GNPAT: variants seen among roughly 807,000 people sequenced by gnomAD.
GNPAT encodes the protein glyceronephosphate O-acyltransferase, also known as dihydroxyacetone phosphate acyltransferase.
Under a neutral mutation model 78.4 loss-of-function variants are expected in GNPAT, and 30 were observed. The observed-to-expected ratio is 0.38, with a 90% CI of 0.29 to 0.52. The LOEUF is 0.52. Ranked by LOEUF, GNPAT falls within the 20% of genes least tolerant of loss-of-function variation. GNPAT has a pLI of 0.84. For synonymous variants in GNPAT, 271 were observed against 281.1 expected (o/e 0.96, Z 0.36); for missense variants, 714 against 812.2 (o/e 0.88, Z 1.47).
At position 231,262,944 on chromosome 1, in the gene GNPAT, A is replaced by G. The variant is rs1044498342; in HGVS notation, c.568+92A>G. 3 of 942,550 alleles carry G rather than the reference A, an allele frequency of 3.2e-6. No individual in the cohort carries two copies. The African/African-American group carries it at 4.8e-5, about 15-fold the overall frequency. 58.4% of individuals were successfully genotyped at this position (942,550 alleles called of 1,614,324 possible). On this transcript the variant is annotated intron_variant, in intron 4 of 15. Coordinates refer to ENST00000366647, the MANE Select transcript of GNPAT (RefSeq NM_014236.4). ...ACTGAGGTATTTGAAGATGATGATG[A>G]AAATAGCCTCTCCTCCTTTCTTCCA...
chr1:231,272,581 A>C (rs1265447257), intron 11 of GNPAT, among the ~76,000 whole-genome samples, 190 bp downstream of exon 11: 1 of 152,220 alleles, frequency 6.6e-6, no homozygotes, highest in African/African-American at 2.4e-5. Flanking sequence ...AAGTTTAATT[A>C]ATAACTTAGG....
At position 231,245,550 on chromosome 1, in the gene GNPAT, C is replaced by T. The variant is rs138280674; in HGVS notation, c.78+4094C>T. On this transcript the variant is annotated intron_variant, in intron 1 of 15. Transcript: ENST00000366647. The stretch of plus-strand genomic sequence containing the variant: ...ACAGAGTGAGCCACCATGCCCTGAC[C>T]GCAGCTTTATTTTCCTTATATTCTC... 7.4e-4 allele frequency among the ~76,000 whole-genome samples: 113 copies of T among 152,224 alleles called. 1 individual carries two copies. In the East Asian group the frequency reaches 0.019, roughly 25 times the overall value.
At chr1:231,267,984 G>C in intron 9 of GNPAT, 81 bp downstream of exon 9, 1 of 888,502 alleles carries the variant, frequency 1.1e-6, no homozygotes, top group Non-Finnish European at 1.9e-6. Context: ...ATCTATAGAG[G>C]ACTTGAGCAA....
At chr1:231,261,499 C>T (rs535874049) in intron 3 of GNPAT, among the ~76,000 whole-genome samples, 84 of 151,868 alleles carry the variant, frequency 5.5e-4, no homozygotes, top group African/African-American at 2.0e-3. Context: ...TGGTGCCTGT[C>T]GGTTTCATTA....
Position 231,277,789 on chromosome 1 carries a change from T to TTTGGAAAAGCAAAGCTCAGCTCATTTCAC in GNPAT, c.*249_*277dup, listed in dbSNP as rs1685758683. ...TTTAAAATAAACTTTTGGAAACATG[T>TTTGGAAAAGCAAAGCTCAGCTCATTTCAC]TTGGAAAAGCAAAGCTCAGCTCATT... On this transcript the variant is annotated 3_prime_UTR_variant, in exon 16 of 16. Coordinates refer to ENST00000366647, the MANE Select transcript of GNPAT (RefSeq NM_014236.4). 2.1e-6 allele frequency: 1 copy of TTTGGAAAAGCAAAGCTCAGCTCATTTCAC among 469,494 alleles called. No individual in the cohort carries two copies. The highest frequency in any genetic ancestry group is 3.9e-6 in the Non-Finnish European group (1 of 259,606). 29.1% of individuals were successfully genotyped at this position (469,494 alleles called of 1,614,324 possible).
chr1:231,248,490 G>A (rs762728653), intron 1 of GNPAT, among the ~76,000 whole-genome samples: 6 of 151,876 alleles, frequency 4.0e-5, no homozygotes, highest in Non-Finnish European at 8.8e-5. Flanking sequence ...CGCTTTGGGA[G>A]GCCAAGGTGG....
chr1:231,272,380 AAC>A lies in GNPAT; in HGVS notation c.1596_1597del (p.Leu533LysfsTer4), dbSNP rs1357905796. Reference protein sequence around the residue: ...FADEFIFLPGNTLKDFEEGCY... With the variant: ...FADEFIFLPGXTLKDFEEGCY... Reference sequence around the variant, plus strand: ...AGATGAGTTCATCTTCCTTCCAGGAAACACACTAAAGGTAAAGTGCTTACAAC... The same window carrying A: ...AGATGAGTTCATCTTCCTTCCAGGAAACACTAAAGGTAAAGTGCTTACAAC... On this transcript the variant is annotated frameshift_variant, in exon 11 of 16. Coordinates refer to ENST00000366647, the MANE Select transcript of GNPAT (RefSeq NM_014236.4). LOFTEE classifies it high-confidence loss of function. 3 of 1,564,112 alleles carry A rather than the reference AAC, an allele frequency of 1.9e-6. No individual in the cohort carries two copies. The South Asian group carries it at 3.3e-5, about 17-fold the overall frequency.
At chr1:231,246,593 G>A (rs181057261) in intron 1 of GNPAT, among the ~76,000 whole-genome samples, 13 of 152,272 alleles carry the variant, frequency 8.5e-5, no homozygotes, top group African/African-American at 3.1e-4. Flanking sequence ...GCTTACTTGG[G>A]TTCTTCTTTG....
chr1:231,259,571 C>T (rs1047068984), intron 2 of GNPAT, among the ~76,000 whole-genome samples: 23 of 148,758 alleles, frequency 1.5e-4, no homozygotes, highest in South Asian at 1.5e-3. Context: ...CGCTTGAACC[C>T]GGGAAGCAGA....
intron 10 of GNPAT, among the ~76,000 whole-genome samples, chr1:231,271,433 G>A (rs1685561513): frequency 6.6e-6 from 1 of 152,116 alleles, no homozygotes; most frequent in Admixed American, 6.5e-5. Context: ...ATAAAAATGA[G>A]TACAGTACAC....
chr1:231,249,447 A>C (rs573932095), intron 1 of GNPAT, among the ~76,000 whole-genome samples: 6 of 152,160 alleles, frequency 3.9e-5, no homozygotes, highest in Admixed American at 3.9e-4. Context: ...TTACCTCAAC[A>C]TTTCATCTTT....
intron 1 of GNPAT, among the ~76,000 whole-genome samples, chr1:231,247,057 C>T (rs1479421456): frequency 1.3e-5 from 2 of 151,964 alleles, no homozygotes; most frequent in Admixed American, 6.6e-5. Context: ...TAGTCCCAGC[C>T]GCTCGGCAGG....
intron 8 of GNPAT, among the ~76,000 whole-genome samples, chr1:231,266,985 T>C (rs1193690700): frequency 6.6e-6 from 1 of 152,244 alleles, no homozygotes; most frequent in Non-Finnish European, 1.5e-5. Context: ...ATTTGTAACT[T>C]ATCTGTAGCT....
intron 1 of GNPAT, among the ~76,000 whole-genome samples, chr1:231,249,447 A>G (rs573932095): frequency 6.6e-6 from 1 of 152,278 alleles, no homozygotes; most frequent in African/African-American, 2.4e-5. Context: ...TTACCTCAAC[A>G]TTTCATCTTT....
At chr1:231,264,391 C>T (rs1685315797) in intron 4 of GNPAT, among the ~76,000 whole-genome samples, 1 of 152,190 alleles carries the variant, frequency 6.6e-6, no homozygotes, top group Non-Finnish European at 1.5e-5. Context: ...TGTCATAATA[C>T]ATTTTTATAT....
chr1:231,276,212 TA>T lies in GNPAT; in HGVS notation c.1999+20del. 1 of 1,320,902 alleles carries T rather than the reference TA, an allele frequency of 7.6e-7. No homozygotes were observed. The highest frequency in any genetic ancestry group is 1.1e-6 in the Non-Finnish European group (1 of 915,394). The allele number at this position is 1,320,902 out of a possible 1,614,324, so 81.8% of individuals were successfully genotyped here. ...GAAATGCTTGGTAAGTGCAGTTTAA[TA>T]AAATACAAGTTTTCACATTTTGTTG... On this transcript the variant is annotated intron_variant, in intron 15 of 15. Transcript: ENST00000366647.
At chr1:231,265,553 A>G (rs543301947) in intron 5 of GNPAT, 133 bp downstream of exon 5, 2 of 906,658 alleles carry the variant, frequency 2.2e-6, no homozygotes, top group African/African-American at 1.6e-5. Context: ...TAACCTCAGC[A>G]ATTGGTTTAA....
chr1:231,255,631 C>T (rs1015734154), intron 2 of GNPAT, among the ~76,000 whole-genome samples: 10 of 152,020 alleles, frequency 6.6e-5, no homozygotes, highest in South Asian at 2.1e-4. Flanking sequence ...GACAGGATCC[C>T]GCTATGTTGC....
intron 11 of GNPAT, 132 bp from the exon 12 acceptor site, chr1:231,273,790 T>C (rs1464208130): frequency 5.6e-5 from 41 of 735,680 alleles, no homozygotes; most frequent in Non-Finnish European, 3.4e-5. Flanking sequence ...TATTCTGTTG[T>C]CTGAGGGCAT....
Sources: allele counts gnomAD v4.1 joint callset (sites outside exome capture counted in the v4.1 genomes callset), GRCh38; gene constraint gnomAD v4.1.1; transcripts MANE v1.5; gene names NCBI Gene and HGNC (gene_info 2026-07-23, HGNC 2026-07-21).